The following TMEM131 variants were observed in gnomAD, a reference collection of about 807,000 sequenced individuals.
TMEM131 encodes transmembrane protein 131.
A neutral mutation model predicts 211.6 loss-of-function variants in TMEM131; 66 were observed. The ratio of observed to expected loss-of-function variants is 0.31; its 90% CI spans 0.26 to 0.38. The LOEUF (loss-of-function observed/expected upper bound fraction) is 0.38, where lower values mean the gene tolerates loss of function less well. TMEM131 is among the 10% of genes least tolerant of loss of function. TMEM131 has a pLI of 1.00. For synonymous variants in TMEM131, 844 were observed against 841.3 expected (o/e 1.00, Z -0.06); for missense variants, 2,036 against 2,299.3 (o/e 0.89, Z 2.34).
chr2:97,837,214 A>G, intron 7 of TMEM131, 57 bp from the exon 8 acceptor site: 1 of 1,265,776 alleles, frequency 7.9e-7, no homozygotes. Context: ...AAAGCAGGTG[A>G]CTTGCTATTA....
chr2:97,941,167 C>A (rs1259248327), intron 1 of TMEM131, among the ~76,000 whole-genome samples: 1 of 152,168 alleles, frequency 6.6e-6, no homozygotes, highest in African/African-American at 2.4e-5. Flanking sequence ...AGAAATAATA[C>A]AACACATCTA....
intron 4 of TMEM131, among the ~76,000 whole-genome samples, chr2:97,881,796 GT>G (rs747849932): frequency 6.6e-6 from 1 of 150,874 alleles, no homozygotes; most frequent in South Asian, 2.1e-4. Flanking sequence ...CTGTATTACA[GT>G]ATTCTAATCT....
At chr2:97,903,221 A>G (rs1302025028) in intron 3 of TMEM131, among the ~76,000 whole-genome samples, 1 of 152,192 alleles carries the variant, frequency 6.6e-6, no homozygotes, top group Admixed American at 6.5e-5. Context: ...ACCAGAAAGT[A>G]AGAAGTGCTC....
At chr2:97,973,427 G>T (rs944870424) in intron 1 of TMEM131, among the ~76,000 whole-genome samples, 1 of 152,218 alleles carries the variant, frequency 6.6e-6, no homozygotes, top group African/African-American at 2.4e-5. Context: ...GAGTTACTAG[G>T]CCACAGTGCA....
At chr2:97,932,141 T>TAAAA (rs34976723) in intron 1 of TMEM131, among the ~76,000 whole-genome samples, 1 of 135,096 alleles carries the variant, frequency 7.4e-6, no homozygotes, top group South Asian at 2.4e-4. Context: ...GACCCTGTCT[T>TAAAA]AAAAAAAAAA....
chr2:97,896,966 C>T (rs1055643306), intron 3 of TMEM131, among the ~76,000 whole-genome samples: 4 of 151,312 alleles, frequency 2.6e-5, no homozygotes, highest in African/African-American at 4.9e-5. Flanking sequence ...AATCCATGAA[C>T]GCGGAATCTT....
At chr2:97,820,950 T>C (rs576270548) in intron 11 of TMEM131, among the ~76,000 whole-genome samples, 8 of 152,192 alleles carry the variant, frequency 5.3e-5, no homozygotes, top group South Asian at 2.1e-4. Flanking sequence ...TTGCTTTTTT[T>C]CCCCCCACAA....
chr2:97,852,118 C>A (rs1673647587), intron 5 of TMEM131, among the ~76,000 whole-genome samples: 1 of 150,510 alleles, frequency 6.6e-6, no homozygotes, highest in Non-Finnish European at 1.5e-5. Context: ...AGGGATAAAG[C>A]TTTAGTGGTC....
chr2:97,982,300 G>A (rs1029996267), intron 1 of TMEM131, among the ~76,000 whole-genome samples: 1 of 151,938 alleles, frequency 6.6e-6, no homozygotes, highest in African/African-American at 2.4e-5. Flanking sequence ...CTTTTCATAC[G>A]TTTATTATAT....
At chr2:97,771,618 T>C (rs1225381669) in intron 33 of TMEM131, among the ~76,000 whole-genome samples, 3 of 152,192 alleles carry the variant, frequency 2.0e-5, no homozygotes, top group African/African-American at 7.2e-5. Flanking sequence ...CCAGGAAAGG[T>C]ATTACTGATG....
chr2:97,886,368 A>C (rs143604589), intron 4 of TMEM131, among the ~76,000 whole-genome samples: 2 of 152,234 alleles, frequency 1.3e-5, no homozygotes, highest in East Asian at 3.9e-4. Context: ...ATTTCTATAC[A>C]TCTGGTAGAA....
At chr2:97,794,687 T>C (rs534636291) in intron 29 of TMEM131, among the ~76,000 whole-genome samples, 1 of 152,346 alleles carries the variant, frequency 6.6e-6, no homozygotes, top group African/African-American at 2.4e-5. Context: ...TTTAAAAAGA[T>C]GTTAAAATGT....
intron 2 of TMEM131, among the ~76,000 whole-genome samples, chr2:97,913,295 T>A (rs1372047012): frequency 6.6e-6 from 1 of 152,216 alleles, no homozygotes; most frequent in South Asian, 2.1e-4. Flanking sequence ...CTCAATTTTA[T>A]AGAGATATCA....
At chr2:97,834,715 T>C (rs772721416) in intron 9 of TMEM131, 38 bp from the exon 10 acceptor site, 2 of 1,596,550 alleles carry the variant, frequency 1.3e-6, no homozygotes, top group Non-Finnish European at 1.7e-6. Context: ...TTTTTCACTT[T>C]GCCAGAGTAA....
At chr2:97,844,656 C>T (rs1361511532) in intron 5 of TMEM131, among the ~76,000 whole-genome samples, 1 of 152,136 alleles carries the variant, frequency 6.6e-6, no homozygotes, top group African/African-American at 2.4e-5. Flanking sequence ...TAAGCCCAGG[C>T]CTCAACCTTA....
chr2:97,982,015 C>T (rs1368189121), intron 1 of TMEM131, among the ~76,000 whole-genome samples: 1 of 152,068 alleles, frequency 6.6e-6, no homozygotes, highest in South Asian at 2.1e-4. Flanking sequence ...TTTTTATGTG[C>T]AAGTTTTTGT....
In TMEM131 at chr2:97,818,477, G is replaced by T. The variant is rs1489537120; in HGVS notation, c.1183+136C>A. 5 of 310,342 alleles carry T rather than the reference G, an allele frequency of 1.6e-5. No individual in the cohort carries two copies. The Admixed American group carries it at 2.0e-4, about 12-fold the overall frequency. 19.2% of individuals were successfully genotyped at this position (310,342 alleles called of 1,614,324 possible). A position where few individuals can be genotyped will look rare whatever the true frequency, so the allele number is the denominator to read the frequency against. On this transcript the variant is annotated intron_variant, in intron 12 of 40. Transcript: ENST00000186436. ...ATGGTTTACAGCGGGGGGGGGCGGGGGGGGATCAACCTAAGCAGTAATATA... is the reference window on the plus strand; with the variant it reads ...ATGGTTTACAGCGGGGGGGGGCGGGTGGGGATCAACCTAAGCAGTAATATA...
At chr2:97,808,453 ATTTGTTTTGTC>A (rs992235230) in intron 19 of TMEM131, among the ~76,000 whole-genome samples, 5 of 151,960 alleles carry the variant, frequency 3.3e-5, no homozygotes, top group African/African-American at 1.2e-4. Context: ...TGGTTTTCTC[ATTTGTTTTGTC>A]TTTGTTCTCC....
chr2:97,801,734 C>T (rs1681044571), intron 25 of TMEM131, among the ~76,000 whole-genome samples, 161 bp downstream of exon 25: 1 of 152,134 alleles, frequency 6.6e-6, no homozygotes, highest in African/African-American at 2.4e-5. Context: ...CCTACTCTTC[C>T]TGATTTATTT....
Sources: gnomAD v4.1 joint callset for allele counts (sites outside exome capture counted in the v4.1 genomes callset) on GRCh38, gnomAD v4.1.1 for gene constraint, MANE v1.5 for transcripts, NCBI Gene and HGNC (gene_info 2026-07-23, HGNC 2026-07-21) for gene names.